KRT75: variants seen among roughly 807,000 people sequenced by gnomAD.
KRT75 encodes keratin, type II cytoskeletal 75.
KRT75 carries 35 observed loss-of-function variants against 48.8 expected under a neutral mutation model. The observed-to-expected ratio is 0.72, with a 90% CI of 0.55 to 0.95. The LOEUF is 0.95. KRT75 is among the 40% of genes least tolerant of loss of function. The pLI, the probability that KRT75 is intolerant of heterozygous loss-of-function variation, is 0.00. For synonymous variants in KRT75, 301 were observed against 282.3 expected (o/e 1.07, Z -0.66); for missense variants, 776 against 709.9 (o/e 1.09, Z -1.06).
In KRT75 at chr12:52,424,457, G is replaced by A; in HGVS notation, c.*60C>T. 1 of 1,424,890 alleles carries A rather than the reference G, an allele frequency of 7.0e-7. No homozygotes were observed. Among genetic ancestry groups the A allele is most frequent in the African/African-American group, 1.4e-5 (1 of 71,420 alleles). The allele number at this position is 1,424,890 out of a possible 1,614,324, so 88.3% of individuals were successfully genotyped here. A position where few individuals can be genotyped will look rare whatever the true frequency, so the allele number is the denominator to read the frequency against. On this transcript the variant is annotated 3_prime_UTR_variant, in exon 9 of 9. Coordinates refer to ENST00000252245, the MANE Select transcript of KRT75 (RefSeq NM_004693.3). ...GGAGAGAGGAAGGAGGAGGACCCTG[G>A]TGTCCAGGTGTGACTGCAAACAGGC...
chr12:52,433,617 G>A (rs1214548784), intron 1 of KRT75, among the ~76,000 whole-genome samples, 190 bp downstream of exon 1: 1 of 152,192 alleles, frequency 6.6e-6, no homozygotes, highest in Non-Finnish European at 1.5e-5. Context: ...CCGAAAGAGA[G>A]GAAATTTCTA....
In KRT75 at chr12:52,424,483, C is replaced by T. The variant is rs1940051479; in HGVS notation, c.*34G>A. On this transcript the variant is annotated 3_prime_UTR_variant, in exon 9 of 9. Coordinates refer to ENST00000252245, the MANE Select transcript of KRT75 (RefSeq NM_004693.3). ...TGTCCAGGTGTGACTGCAAACAGGC[C>T]TCAAGGCAGGGTAGAGGGAGCCATG... 6.3e-7 allele frequency: 1 copy of T among 1,593,592 alleles called. No homozygotes were observed. The highest frequency in any genetic ancestry group is 1.1e-5 in the South Asian group (1 of 90,676).
chr12:52,428,122 G>A lies in KRT75; in HGVS notation c.1382+134C>T. On this transcript the variant is annotated intron_variant, in intron 7 of 8. Coordinates refer to ENST00000252245, the MANE Select transcript of KRT75 (RefSeq NM_004693.3). ...GGAAGGAAATTAAAATTATTTTTTTGCCATAGCCCAATTCTGAACTGCATT... is the reference window on the plus strand; with the variant it reads ...GGAAGGAAATTAAAATTATTTTTTTACCATAGCCCAATTCTGAACTGCATT... 7.3e-6 allele frequency: 8 copies of A among 1,091,882 alleles called. No individual in the cohort carries two copies. The South Asian group carries it at 1.1e-4, about 15-fold the overall frequency. 67.6% of individuals were successfully genotyped at this position (1,091,882 alleles called of 1,614,324 possible). A position where few individuals can be genotyped will look rare whatever the true frequency, so the allele number is the denominator to read the frequency against.
At position 52,433,310 on chromosome 12, in the gene KRT75, T is replaced by A. The variant is rs1940170958; in HGVS notation, c.499-58A>T. On this transcript the variant is annotated intron_variant, in intron 1 of 8. Coordinates refer to ENST00000252245, the MANE Select transcript of KRT75 (RefSeq NM_004693.3). The stretch of plus-strand genomic sequence containing the variant: ...AAGTTGGAGAGGCAGAGTTAGACAC[T>A]CCTATTAATAAGGGAGAGAAGAAAA... 3 of 1,356,190 alleles carry A rather than the reference T, an allele frequency of 2.2e-6. No homozygotes were observed. In the African/African-American group the frequency reaches 4.3e-5, roughly 19 times the overall value. The allele number at this position is 1,356,190 out of a possible 1,614,324, so 84.0% of individuals were successfully genotyped here.
chr12:52,428,541 G>A, intron 6 of KRT75, 65 bp from the exon 7 acceptor site: 3 of 1,613,114 alleles, frequency 1.9e-6, no homozygotes, highest in Non-Finnish European at 2.5e-6. Flanking sequence ...GCTTCTTGGG[G>A]AGGAGTTCTT....
In KRT75 at chr12:52,426,747, C is replaced by T. The variant is rs1256614419; in HGVS notation, c.1417+70G>A. The T allele has an allele frequency of 3.4e-6, 5 of 1,475,118 alleles. No individual in the cohort carries two copies. The African/African-American group carries it at 4.2e-5, about 12-fold the overall frequency. The allele number at this position is 1,475,118 out of a possible 1,614,324, so 91.4% of individuals were successfully genotyped here. ...AACCCGTCATATCTTCACCCTCTGGCAAGCCCACCACATCCCCATCCCCTC... is the reference window on the plus strand; with the variant it reads ...AACCCGTCATATCTTCACCCTCTGGTAAGCCCACCACATCCCCATCCCCTC... On this transcript the variant is annotated intron_variant, in intron 8 of 8. Transcript: ENST00000252245.
intron 7 of KRT75, 146 bp downstream of exon 7, chr12:52,428,110 A>C (rs1488327077): frequency 9.9e-7 from 1 of 1,012,818 alleles, no homozygotes; most frequent in African/African-American, 1.6e-5. Flanking sequence ...AGGAAATTAA[A>C]ATTATTTTTT....
rs1215500621 is a variant in KRT75, at chr12:52,426,835, C to T, written c.1399G>A (p.Val467Ile). ...GEECRLSGEG[V>I]SPVNISVVTS... Reference sequence around the variant, plus strand: ...TACTCACAAATGTTAACTGGAGAAACTCCCTCTCCACTCAACCTGATTGGG... The same window carrying T: ...TACTCACAAATGTTAACTGGAGAAATTCCCTCTCCACTCAACCTGATTGGG... Residue 467 changes from valine to isoleucine, a missense_variant, in exon 8 of 9, where the codon GTT becomes ATT. Transcript: ENST00000252245. 1.2e-6 allele frequency: 2 copies of T among 1,614,024 alleles called. No individual in the cohort carries two copies. Among genetic ancestry groups the T allele is most frequent in the Admixed American group, 1.7e-5 (1 of 60,000 alleles).
At chr12:52,425,962 A>G (rs1361381296) in intron 8 of KRT75, among the ~76,000 whole-genome samples, 2 of 152,152 alleles carry the variant, frequency 1.3e-5, no homozygotes, top group Admixed American at 6.5e-5. Context: ...CCTGTCCCCA[A>G]AATTAGCTTT....
Position 52,434,333 on chromosome 12 carries a change from A to C in KRT75, c.-29T>G. ...GGGTGAGGAAGGCCGGCGAGAAGGC[A>C]CCTGAGGTGGGCTGGTACAGGCAGT... On this transcript the variant is annotated 5_prime_UTR_variant, in exon 1 of 9. Transcript: ENST00000252245. 6.3e-7 allele frequency: 1 copy of C among 1,575,788 alleles called. No homozygotes were observed. Among genetic ancestry groups the C allele is most frequent in the Non-Finnish European group, 8.6e-7 (1 of 1,169,028 alleles).
chr12:52,433,504 A>G lies in KRT75; in HGVS notation c.499-252T>C, dbSNP rs539787269. On this transcript the variant is annotated intron_variant, in intron 1 of 8. Transcript: ENST00000252245. ...AGCTGCTCTTGGGTTAAGTTTCTCA[A>G]CACCACCTACTCTGGGTTAGGGTAG... Among the ~76,000 whole-genome samples the G allele has an allele frequency of 2.6e-5, 4 of 152,212 alleles. No homozygotes were observed. In the East Asian group the frequency reaches 7.8e-4, roughly 30 times the overall value.
chr12:52,424,231 G>T lies in KRT75; in HGVS notation c.*286C>A. ...TGGAGGGAGGGAGGGAGGTGGAGCT[G>T]GAGGAGGACTTTCCAGCTGCCCGGG... On this transcript the variant is annotated 3_prime_UTR_variant, in exon 9 of 9. Coordinates refer to ENST00000252245, the MANE Select transcript of KRT75 (RefSeq NM_004693.3). 1 of 492,532 alleles carries T rather than the reference G, an allele frequency of 2.0e-6. No homozygotes were observed. Among genetic ancestry groups the T allele is most frequent in the Non-Finnish European group, 3.7e-6 (1 of 267,966 alleles). 30.5% of individuals were successfully genotyped at this position (492,532 alleles called of 1,614,324 possible). A position where few individuals can be genotyped will look rare whatever the true frequency, so the allele number is the denominator to read the frequency against.
At chr12:52,427,272 T>A (rs12580733) in intron 7 of KRT75, among the ~76,000 whole-genome samples, 2,238 of 152,298 alleles carry the variant, frequency 0.015, 91 homozygotes, top group East Asian at 0.069. Flanking sequence ...GGCGTCTGAG[T>A]CATAAAAATA....
intron 5 of KRT75, among the ~76,000 whole-genome samples, 198 bp from the exon 6 acceptor site, chr12:52,428,941 C>T (rs928944625): frequency 2.0e-5 from 3 of 152,178 alleles, no homozygotes; most frequent in African/African-American, 7.2e-5. Context: ...TAGTTCCACA[C>T]TAAGATAAGT....
Position 52,428,738 on chromosome 12 carries a change from C to A in KRT75, c.1041G>T (p.Glu347Asp). The change falls in exon 6 of 9, where the codon GAG becomes GAT. Residue 347 changes from glutamate to aspartate, a missense_variant. Physicochemically the swap from Glu to Asp is conservative, Grantham distance 45 (BLOSUM62 2). Transcript: ENST00000252245. ...EAESWYQTKY[E>D]ELQVTAGRHG... ...GTCTGCCTGCGGTGACCTGCAGCTCCTCGTACTGAGAGAACCAGAGCAAAC... is the reference window on the plus strand; with the variant it reads ...GTCTGCCTGCGGTGACCTGCAGCTCATCGTACTGAGAGAACCAGAGCAAAC... 3 of 1,614,044 alleles carry A rather than the reference C, an allele frequency of 1.9e-6. No homozygotes were observed. The highest frequency in any genetic ancestry group is 1.7e-6 in the Non-Finnish European group (2 of 1,180,032).
chr12:52,431,520 C>A (rs776322515), intron 4 of KRT75, 23 bp downstream of exon 4: 1 of 1,520,052 alleles, frequency 6.6e-7, no homozygotes, highest in Non-Finnish European at 9.1e-7. Flanking sequence ...CTAGGAGAGA[C>A]AGAAATACTT....
chr12:52,424,893 C>T (rs2669873), intron 8 of KRT75, 138 bp from the exon 9 acceptor site: 23,292 of 745,688 alleles, frequency 0.031, 453 homozygotes, highest in Non-Finnish European at 0.04. Flanking sequence ...TTCCAATGTC[C>T]CCTGCTTAGT....
At chr12:52,428,787 G>T in intron 5 of KRT75, 44 bp from the exon 6 acceptor site, 1 of 1,612,736 alleles carries the variant, frequency 6.2e-7, no homozygotes, top group Non-Finnish European at 8.5e-7. Flanking sequence ...CAAATGCCTG[G>T]CCCAGGCACT....
chr12:52,434,232 G>A lies in KRT75; in HGVS notation c.73C>T (p.Pro25Ser). The part of the protein sequence containing the change: ...RGFSTTSAIT[P>S]AAGRSRFSSV... ...CTGAAGCGGGAGCGGCCAGCTGCCGGGGTGATGGCCGAGGTGGTGCTGAAG... is the reference window on the plus strand; with the variant it reads ...CTGAAGCGGGAGCGGCCAGCTGCCGAGGTGATGGCCGAGGTGGTGCTGAAG... The change falls in exon 1 of 9, where the codon CCG (proline) becomes TCG (serine). Residue 25 changes from proline to serine, a missense_variant. By Grantham distance (74) the Pro-to-Ser change is moderately conservative. Coordinates refer to ENST00000252245, the MANE Select transcript of KRT75 (RefSeq NM_004693.3). 2 of 1,592,604 alleles carry A rather than the reference G, an allele frequency of 1.3e-6. No individual in the cohort carries two copies. Among genetic ancestry groups the A allele is most frequent in the Admixed American group, 1.7e-5 (1 of 58,808 alleles).
Sources: allele counts gnomAD v4.1 joint callset (sites outside exome capture counted in the v4.1 genomes callset), GRCh38; gene constraint gnomAD v4.1.1; transcripts MANE v1.5; gene names NCBI Gene and HGNC (gene_info 2026-07-23, HGNC 2026-07-21).